Variants in TMTC2 observed in about 807,000 individuals in gnomAD.
The protein encoded by TMTC2 is protein O-mannosyl-transferase TMTC2.
In TMTC2, 43 loss-of-function variants were observed where a neutral mutation model predicts 82.4. The observed-to-expected ratio is 0.52, with a 90% confidence interval of 0.41 to 0.67. TMTC2 has a LOEUF of 0.67. Ranked by LOEUF, TMTC2 falls within the 30% of genes least tolerant of loss-of-function variation. The pLI is 0.00. For synonymous variants in TMTC2, 408 were observed against 381.9 expected, an observed-to-expected ratio of 1.07 and a Z score of -0.80; for missense variants, 919 against 1,012.4, an observed-to-expected ratio of 0.91 and a Z score of 1.25.
chr12:83,011,739 C>T (rs1565851867), intron 8 of TMTC2, among the ~76,000 whole-genome samples: 1 of 152,186 alleles, frequency 6.6e-6, no homozygotes. Flanking sequence ...ATCTAAAACA[C>T]TTTCTCTTTC....
At chr12:82,799,671 AC>A (rs1354929100) in intron 1 of TMTC2, among the ~76,000 whole-genome samples, 1 of 151,844 alleles carries the variant, frequency 6.6e-6, no homozygotes, top group Non-Finnish European at 1.5e-5. Flanking sequence ...CTTGCCTTAT[AC>A]TCCAATCTCA....
chr12:83,048,080 T>C (rs183697353), intron 9 of TMTC2, among the ~76,000 whole-genome samples: 2 of 152,362 alleles, frequency 1.3e-5, no homozygotes, highest in Admixed American at 1.3e-4. Context: ...TTTGTTTGAA[T>C]ACCACATAAT....
At chr12:82,773,320 G>A (rs780458230) in intron 1 of TMTC2, among the ~76,000 whole-genome samples, 6 of 152,130 alleles carry the variant, frequency 3.9e-5, no homozygotes, top group Non-Finnish European at 7.4e-5. Context: ...TTGTATTGCA[G>A]TTTGTGATAA....
intron 1 of TMTC2, among the ~76,000 whole-genome samples, chr12:82,704,440 A>C (rs1255383918): frequency 6.6e-6 from 1 of 152,180 alleles, no homozygotes; most frequent in Non-Finnish European, 1.5e-5. Context: ...GAGTAAATAC[A>C]TCGAATGTAG....
chr12:82,824,958 G>A (rs770673746), intron 1 of TMTC2, among the ~76,000 whole-genome samples: 17 of 152,010 alleles, frequency 1.1e-4, no homozygotes, highest in Non-Finnish European at 2.2e-4. Context: ...GCGTGGTGGC[G>A]CGTGCCTGTT....
chr12:82,929,253 C>T (rs1042016185), intron 3 of TMTC2, among the ~76,000 whole-genome samples: 6 of 151,950 alleles, frequency 3.9e-5, no homozygotes, highest in Non-Finnish European at 8.8e-5. Flanking sequence ...GAGGTTTCAC[C>T]ATGTTGCCCA....
chr12:83,091,301 T>A (rs1437528117), intron 11 of TMTC2, among the ~76,000 whole-genome samples: 1 of 152,222 alleles, frequency 6.6e-6, no homozygotes, highest in Admixed American at 6.5e-5. Context: ...ACTCTATAAA[T>A]AAATATTTAT....
At chr12:82,723,558 T>C (rs1874308104) in intron 1 of TMTC2, among the ~76,000 whole-genome samples, 1 of 152,224 alleles carries the variant, frequency 6.6e-6, no homozygotes, top group African/African-American at 2.4e-5. Flanking sequence ...ACACCTCATA[T>C]ACATAGATTG....
intron 1 of TMTC2, among the ~76,000 whole-genome samples, chr12:82,800,005 A>G (rs1280609559): frequency 2.0e-5 from 3 of 152,088 alleles, no homozygotes; most frequent in Non-Finnish European, 4.4e-5. Context: ...AAGTAAAGAG[A>G]TATAAACTAG....
chr12:83,046,455 G>A (rs1309083906), intron 9 of TMTC2, among the ~76,000 whole-genome samples: 1 of 152,130 alleles, frequency 6.6e-6, no homozygotes, highest in Non-Finnish European at 1.5e-5. Flanking sequence ...AAGTCCTCCA[G>A]GTCATTCTGT....
chr12:82,882,039 G>C (rs924140285), intron 2 of TMTC2, among the ~76,000 whole-genome samples: 1 of 120,766 alleles, frequency 8.3e-6, no homozygotes, highest in Non-Finnish European at 1.6e-5. Context: ...TCTCTCTGTC[G>C]CCCAGGCTGG....
intron 2 of TMTC2, among the ~76,000 whole-genome samples, chr12:82,859,614 G>A (rs1035194984): frequency 3.3e-5 from 5 of 151,944 alleles, no homozygotes; most frequent in African/African-American, 1.2e-4. Flanking sequence ...AATTTATCTG[G>A]GCATCCTGTA....
rs533285378 is a variant in TMTC2, at chr12:82,854,317, A to G, written c.84-2693A>G. 3.2e-4 allele frequency among the ~76,000 whole-genome samples: 49 copies of G among 152,272 alleles called. 1 individual carries two copies. Among genetic ancestry groups the G allele is most frequent in the Middle Eastern group, 3.4e-3 (1 of 294 alleles). ...AGGAGGTAGTTAGCCCAGGGTCACT[A>G]TGGTCTTTTGTAACAGGGACTGAGT... On this transcript the variant is annotated intron_variant, in intron 1 of 11. Coordinates refer to ENST00000321196, the MANE Select transcript of TMTC2 (RefSeq NM_152588.3).
chr12:82,989,150 G>A (rs1409330191), intron 8 of TMTC2, among the ~76,000 whole-genome samples: 1 of 151,660 alleles, frequency 6.6e-6, no homozygotes, highest in Non-Finnish European at 1.5e-5. Context: ...AGGTATGATA[G>A]CAACATGATT....
At chr12:82,750,867 G>A (rs1199094420) in intron 1 of TMTC2, among the ~76,000 whole-genome samples, 1 of 152,108 alleles carries the variant, frequency 6.6e-6, no homozygotes, top group Admixed American at 6.5e-5. Flanking sequence ...TTAGTAAATA[G>A]TTATTGATTG....
chr12:83,103,003 T>A (rs1884273813), intron 11 of TMTC2, among the ~76,000 whole-genome samples: 1 of 152,206 alleles, frequency 6.6e-6, no homozygotes, highest in South Asian at 2.1e-4. Flanking sequence ...AATAATGTTC[T>A]GAAATGCTGT....
intron 1 of TMTC2, among the ~76,000 whole-genome samples, chr12:82,836,176 A>G (rs968194732): frequency 6.6e-6 from 1 of 152,192 alleles, no homozygotes; most frequent in African/African-American, 2.4e-5. Context: ...TAGTCAGGAA[A>G]TGATTTTGAT....
intron 2 of TMTC2, among the ~76,000 whole-genome samples, chr12:82,862,877 C>A (rs553924833): frequency 6.6e-6 from 1 of 152,232 alleles, no homozygotes; most frequent in African/African-American, 2.4e-5. Flanking sequence ...AGAATAATTT[C>A]TGAGGGTGGG....
intron 11 of TMTC2, among the ~76,000 whole-genome samples, chr12:83,104,733 A>C (rs1884339634): frequency 6.6e-6 from 1 of 152,184 alleles, no homozygotes; most frequent in South Asian, 2.1e-4. Context: ...CTTGGATATT[A>C]GCATTTGGCT....
Sources: gnomAD v4.1 joint callset for allele counts (sites outside exome capture counted in the v4.1 genomes callset) on GRCh38, gnomAD v4.1.1 for gene constraint, MANE v1.5 for transcripts, NCBI Gene and HGNC (gene_info 2026-07-23, HGNC 2026-07-21) for gene names.